SULF1: variants seen among roughly 807,000 people sequenced by gnomAD.
SULF1 encodes the protein extracellular sulfatase Sulf-1.
Under a neutral mutation model 110.5 loss-of-function variants are expected in SULF1, and 46 were observed. The observed-to-expected ratio is 0.42, with a 90% CI of 0.33 to 0.53. The LOEUF is 0.53. Ranked by LOEUF, SULF1 falls within the 20% of genes least tolerant of loss-of-function variation. The pLI is 0.12. For synonymous variants in SULF1, 371 were observed against 387.1 expected, an observed-to-expected ratio of 0.96 and a Z score of 0.49; for missense variants, 941 against 1,094.2, an observed-to-expected ratio of 0.86 and a Z score of 1.98.
At chr8:69,554,978 CAAAAAAAAAAAAAAAAAAAACA>C (rs1390575961) in intron 3 of SULF1, among the ~76,000 whole-genome samples, 14 of 63,486 alleles carry the variant, frequency 2.2e-4, no homozygotes, top group African/African-American at 1.3e-3. Flanking sequence ...GATTCCATCT[CAAAAAAAAAAAAAAAAAAAACA>C]AAAAAAAAAA....
chr8:69,550,971 G>C (rs968616190), intron 3 of SULF1, among the ~76,000 whole-genome samples: 1 of 152,138 alleles, frequency 6.6e-6, no homozygotes, highest in African/African-American at 2.4e-5. Context: ...TAATGTCATG[G>C]TGTCTTTACT....
chr8:69,617,445 T>G, intron 13 of SULF1, among the ~76,000 whole-genome samples: 1 of 120,028 alleles, frequency 8.3e-6, no homozygotes, highest in African/African-American at 3.0e-5. Flanking sequence ...GTTTTTTTTT[T>G]TTTTGGAGAG....
intron 22 of SULF1, among the ~76,000 whole-genome samples, chr8:69,646,938 ATTTTT>A (rs532105097): frequency 3.1e-5 from 3 of 97,740 alleles, no homozygotes; most frequent in Non-Finnish European, 6.1e-5. Flanking sequence ...GAGCCCTGGA[ATTTTT>A]TTTTTTTTTT....
intron 1 of SULF1, among the ~76,000 whole-genome samples, chr8:69,494,645 T>C (rs559712486): frequency 6.6e-6 from 1 of 152,312 alleles, no homozygotes; most frequent in East Asian, 1.9e-4. Flanking sequence ...ATCTCAGCAT[T>C]AGCCTCAAAG....
chr8:69,601,967 T>C (rs1807852119), intron 10 of SULF1, 138 bp downstream of exon 10: 2 of 862,240 alleles, frequency 2.3e-6, no homozygotes, highest in Non-Finnish European at 1.7e-6. Context: ...ATTTCGAAGA[T>C]GAAAACCTTT....
intron 3 of SULF1, among the ~76,000 whole-genome samples, chr8:69,502,887 A>T (rs1057370597): frequency 6.6e-6 from 1 of 151,910 alleles, no homozygotes; most frequent in African/African-American, 2.4e-5. Context: ...GGGTTTCACC[A>T]TGTTGGCCAG....
At chr8:69,656,307 C>T (rs542284855) in intron 22 of SULF1, among the ~76,000 whole-genome samples, 11 of 152,132 alleles carry the variant, frequency 7.2e-5, no homozygotes, top group African/African-American at 2.2e-4. Flanking sequence ...TTGTTGTTGT[C>T]GTTGTTGTTT....
At chr8:69,596,095 A>G (rs1181958981) in intron 8 of SULF1, among the ~76,000 whole-genome samples, 1 of 152,238 alleles carries the variant, frequency 6.6e-6, no homozygotes, top group Admixed American at 6.5e-5. Flanking sequence ...CGCACTGAGC[A>G]ATAAATCCAA....
At chr8:69,479,712 T>C (rs1158103939) in intron 1 of SULF1, among the ~76,000 whole-genome samples, 1 of 152,188 alleles carries the variant, frequency 6.6e-6, no homozygotes, top group Non-Finnish European at 1.5e-5. Context: ...AAGCAGAATC[T>C]CTCAGTTTAC....
At chr8:69,582,184 T>C (rs1242080530) in intron 6 of SULF1, among the ~76,000 whole-genome samples, 1 of 151,856 alleles carries the variant, frequency 6.6e-6, no homozygotes, top group Non-Finnish European at 1.5e-5. Flanking sequence ...TAACTTAAAG[T>C]GCAGAAAAAA....
At chr8:69,567,444 T>A (rs575557445) in intron 5 of SULF1, among the ~76,000 whole-genome samples, 1 of 152,268 alleles carries the variant, frequency 6.6e-6, no homozygotes, top group East Asian at 1.9e-4. Context: ...CAGAACTCTT[T>A]CCATCTTACA....
At chr8:69,613,730 C>G (rs746975332) in intron 13 of SULF1, among the ~76,000 whole-genome samples, 4 of 152,124 alleles carry the variant, frequency 2.6e-5, no homozygotes, top group Non-Finnish European at 4.4e-5. Context: ...GTACAGTTTA[C>G]CACCAGAAAA....
intron 10 of SULF1, 85 bp from the exon 11 acceptor site, chr8:69,603,107 T>C: frequency 6.3e-7 from 1 of 1,575,296 alleles, no homozygotes; most frequent in Admixed American, 1.7e-5. Context: ...TGAAGGCCAA[T>C]GAGTCACTGC....
chr8:69,542,785 G>A (rs935064222), intron 3 of SULF1, among the ~76,000 whole-genome samples: 1 of 152,182 alleles, frequency 6.6e-6, no homozygotes, highest in Admixed American at 6.5e-5. Flanking sequence ...TGGGAGAAGC[G>A]TGATAGAAAA....
At chr8:69,592,784 TG>T (rs1807005663) in intron 8 of SULF1, 3 of 284,768 alleles carry the variant, frequency 1.1e-5, no homozygotes, top group Non-Finnish European at 1.6e-5. Flanking sequence ...GGCAATTTCA[TG>T]TGGCTCAACT....
intron 13 of SULF1, among the ~76,000 whole-genome samples, chr8:69,616,138 A>G (rs1044716327): frequency 2.1e-5 from 3 of 140,200 alleles, no homozygotes; most frequent in Non-Finnish European, 4.7e-5. Context: ...GTATATATAT[A>G]CACACATATA....
chr8:69,589,004 C>T lies in SULF1; in HGVS notation c.597C>T (p.Ser199=). The change falls in exon 8 of 23, where the codon AGC becomes AGT. Residue 199 remains serine (S), a synonymous_variant. Coordinates refer to ENST00000402687, the MANE Select transcript of SULF1 (RefSeq NM_001128205.2). The part of the protein sequence containing the change: ...DYFTDLITNE[S]INYFKMSKRM... ...TCACAGACTTAATCACTAACGAGAG[C>T]ATTAATTACTTCAAAATGTCTAAGA... is the stretch of plus-strand genomic sequence containing the variant. 6.2e-7 allele frequency: 1 copy of T among 1,614,080 alleles called. No homozygotes were observed. Among genetic ancestry groups the T allele is most frequent in the Non-Finnish European group, 8.5e-7 (1 of 1,179,942 alleles).
intron 9 of SULF1, 112 bp downstream of exon 9, chr8:69,600,865 G>T: frequency 8.2e-7 from 1 of 1,216,922 alleles, no homozygotes. Flanking sequence ...GCATCATTTT[G>T]AGAGAGAAAG....
intron 3 of SULF1, among the ~76,000 whole-genome samples, chr8:69,562,452 A>G (rs943334458): frequency 3.9e-5 from 6 of 152,210 alleles, no homozygotes; most frequent in African/African-American, 1.2e-4. Context: ...TCTCAGGTGT[A>G]TGGGGACTGA....
Sources: allele counts gnomAD v4.1 joint callset (sites outside exome capture counted in the v4.1 genomes callset), GRCh38; gene constraint gnomAD v4.1.1; transcripts MANE v1.5; gene names NCBI Gene and HGNC (gene_info 2026-07-23, HGNC 2026-07-21).